ASCC1: variants seen among roughly 807,000 people sequenced by gnomAD.
The protein encoded by ASCC1 is activating signal cointegrator 1 complex subunit 1.
In ASCC1, 35 loss-of-function variants were observed where a neutral mutation model predicts 46.6. The ratio of observed to expected loss-of-function variants is 0.75; its 90% CI spans 0.57 to 0.99. The LOEUF is 0.99. Among genes scored for constraint, ASCC1 ranks in the 50% least tolerant of loss-of-function variants. The probability of loss-of-function intolerance (pLI) is 0.00; values close to 1 mark genes in which losing one functional copy is unlikely to be tolerated. For missense variants in ASCC1, 376 were observed against 428.7 expected (o/e 0.88, Z 1.09); for synonymous variants, 143 against 146.6 (o/e 0.98, Z 0.18).
At chr10:72,108,037 G>T (rs1842531598) in intron 9 of ASCC1, among the ~76,000 whole-genome samples, 1 of 150,880 alleles carries the variant, frequency 6.6e-6, no homozygotes, top group Non-Finnish European at 1.5e-5. Flanking sequence ...ACATCATCTA[G>T]GATGGTATGT....
intron 5 of ASCC1, among the ~76,000 whole-genome samples, chr10:72,172,778 T>TTATATTA (rs1170751193): frequency 7.3e-6 from 1 of 136,340 alleles, no homozygotes; most frequent in Non-Finnish European, 1.5e-5. Context: ...ATTATATTTT[T>TTATATTA]TATATTATAT....
chr10:72,124,893 T>C (rs781109165), intron 9 of ASCC1, among the ~76,000 whole-genome samples: 1 of 152,186 alleles, frequency 6.6e-6, no homozygotes, highest in African/African-American at 2.4e-5. Flanking sequence ...TTTGTTCTTT[T>C]TCAGGTTTGA....
At chr10:72,154,263 G>T (rs1303381129) in intron 6 of ASCC1, among the ~76,000 whole-genome samples, 1 of 152,090 alleles carries the variant, frequency 6.6e-6, no homozygotes, top group Non-Finnish European at 1.5e-5. Flanking sequence ...TAAAATAATA[G>T]ATCTTGACAA....
intron 9 of ASCC1, among the ~76,000 whole-genome samples, chr10:72,123,739 G>A (rs1844507931): frequency 6.6e-6 from 1 of 152,044 alleles, no homozygotes; most frequent in South Asian, 2.1e-4. Flanking sequence ...TTCAAAACAA[G>A]TCTCTCCCCT....
chr10:72,143,362 C>T (rs1847257667), intron 7 of ASCC1, among the ~76,000 whole-genome samples: 1 of 151,612 alleles, frequency 6.6e-6, no homozygotes, highest in Non-Finnish European at 1.5e-5. Flanking sequence ...TACTAAACTC[C>T]CTTTTTGTTG....
At chr10:72,148,753 G>A (rs1847930500) in intron 7 of ASCC1, among the ~76,000 whole-genome samples, 1 of 152,182 alleles carries the variant, frequency 6.6e-6, no homozygotes, top group Non-Finnish European at 1.5e-5. Context: ...CCATGCATGG[G>A]TTAAAGATCC....
At chr10:72,150,301 A>G (rs897129764) in intron 7 of ASCC1, among the ~76,000 whole-genome samples, 9 of 152,186 alleles carry the variant, frequency 5.9e-5, no homozygotes, top group African/African-American at 2.2e-4. Flanking sequence ...ATGAGATAAG[A>G]CACCATTGAG....
chr10:72,209,303 G>A (rs1365985255), intron 3 of ASCC1, among the ~76,000 whole-genome samples: 1 of 152,094 alleles, frequency 6.6e-6, no homozygotes, highest in Non-Finnish European at 1.5e-5. Context: ...GGGAAACATA[G>A]TAAAACCCCA....
intron 5 of ASCC1, among the ~76,000 whole-genome samples, chr10:72,191,300 C>T (rs1345218034): frequency 2.0e-5 from 3 of 150,858 alleles, no homozygotes; most frequent in Admixed American, 1.3e-4. Context: ...CCCCTGACCT[C>T]GTGATCCACC....
intron 5 of ASCC1, among the ~76,000 whole-genome samples, chr10:72,186,444 G>A (rs1015813205): frequency 6.6e-6 from 1 of 152,156 alleles, no homozygotes; most frequent in Non-Finnish European, 1.5e-5. Context: ...GATGACAAAT[G>A]AGTTTCAGAG....
chr10:72,108,624 AG>A (rs1308644586), intron 9 of ASCC1, among the ~76,000 whole-genome samples: 1 of 152,158 alleles, frequency 6.6e-6, no homozygotes, highest in Non-Finnish European at 1.5e-5. Context: ...TTAAAAACTG[AG>A]TTCTGATCCT....
intron 8 of ASCC1, among the ~76,000 whole-genome samples, chr10:72,128,700 C>T (rs1490600861): frequency 6.6e-6 from 1 of 152,200 alleles, no homozygotes; most frequent in Non-Finnish European, 1.5e-5. Flanking sequence ...ATATTCTACA[C>T]AGGAATGCAG....
intron 3 of ASCC1, chr10:72,204,638 A>G: frequency 8.4e-7 from 1 of 1,193,768 alleles, no homozygotes; most frequent in Non-Finnish European, 1.1e-6. Context: ...ACCCAATTCT[A>G]CGGATGACTA....
At chr10:72,193,266 A>C (rs1208046265) in intron 5 of ASCC1, among the ~76,000 whole-genome samples, 2 of 152,204 alleles carry the variant, frequency 1.3e-5, no homozygotes, top group Non-Finnish European at 2.9e-5. Context: ...GGAGAAACAA[A>C]TTGTAGCATA....
chr10:72,149,062 A>G (rs1335654058), intron 7 of ASCC1, among the ~76,000 whole-genome samples: 1 of 152,162 alleles, frequency 6.6e-6, no homozygotes, highest in Admixed American at 6.5e-5. Flanking sequence ...TCTATTAAAG[A>G]GATTCAAAAA....
At chr10:72,154,691 C>T (rs1260301185) in intron 6 of ASCC1, among the ~76,000 whole-genome samples, 1 of 152,054 alleles carries the variant, frequency 6.6e-6, no homozygotes, top group Non-Finnish European at 1.5e-5. Context: ...TAGGTTTTGC[C>T]ATGTTGCCCA....
At chr10:72,204,027 T>C (rs976731362) in intron 3 of ASCC1, among the ~76,000 whole-genome samples, 6 of 152,166 alleles carry the variant, frequency 3.9e-5, no homozygotes, top group Admixed American at 6.6e-5. Flanking sequence ...GGTGGGCAGA[T>C]TGCCTGAGGT....
intron 5 of ASCC1, among the ~76,000 whole-genome samples, chr10:72,194,463 A>C (rs1404879444): frequency 1.3e-5 from 2 of 151,956 alleles, no homozygotes; most frequent in African/African-American, 4.8e-5. Flanking sequence ...AAAGTGCTAT[A>C]AGATTTCCTG....
rs1004473439 is a variant in ASCC1, at chr10:72,122,436, A to C, written c.957+5646T>G. On this transcript the variant is annotated intron_variant, in intron 9 of 9. Coordinates refer to ENST00000672957, the MANE Select transcript of ASCC1 (RefSeq NM_001198800.3). The stretch of plus-strand genomic sequence containing the variant: ...CGCAGTCTCAAAAAAAAAAAAAAAA[A>C]CCCACACACTTCTAACCAACACACA... 1.5e-4 allele frequency among the ~76,000 whole-genome samples: 23 copies of C among 149,440 alleles called. 1 individual carries two copies. The highest frequency in any genetic ancestry group is 8.0e-4 in the Admixed American group (12 of 15,042).
Sources: allele counts gnomAD v4.1 joint callset (sites outside exome capture counted in the v4.1 genomes callset), GRCh38; gene constraint gnomAD v4.1.1; transcripts MANE v1.5; gene names NCBI Gene and HGNC (gene_info 2026-07-23, HGNC 2026-07-21).